GPN1: variants seen among roughly 807,000 people sequenced by gnomAD.
The protein encoded by GPN1 is ATP(GTP)-binding protein.
In GPN1, 44 loss-of-function variants were observed where a neutral mutation model predicts 55.9. The ratio of observed to expected loss-of-function variants is 0.79; its 90% CI spans 0.62 to 1.01. The LOEUF is 1.01. Ranked by LOEUF, GPN1 falls within the 50% of genes least tolerant of loss-of-function variation. GPN1 has a pLI of 0.00. For synonymous variants in GPN1, 179 were observed against 162.5 expected, an observed-to-expected ratio of 1.10 and a Z score of -0.77; for missense variants, 466 against 462.8, an observed-to-expected ratio of 1.01 and a Z score of -0.06.
intron 7 of GPN1, among the ~76,000 whole-genome samples, chr2:27,637,119 A>G (rs1004974098): frequency 2.0e-5 from 3 of 152,098 alleles, no homozygotes; most frequent in African/African-American, 7.2e-5. Flanking sequence ...ACTCCCCCCA[A>G]ACTTAATTAC....
At chr2:27,629,824 T>A in intron 1 of GPN1, 35 bp from the exon 2 acceptor site, 1 of 1,135,950 alleles carries the variant, frequency 8.8e-7, no homozygotes, top group Non-Finnish European at 1.3e-6. Context: ...GTCCCCTCTT[T>A]GTCTCCTTCC....
intron 10 of GPN1, among the ~76,000 whole-genome samples, chr2:27,640,548 GGTT>G (rs986663110): frequency 1.2e-4 from 19 of 152,332 alleles, no homozygotes; most frequent in Admixed American, 2.0e-4. Context: ...TTGGCACTAA[GGTT>G]GTTGTGAAGA....
chr2:27,639,395 G>A (rs1215379582), intron 9 of GPN1, among the ~76,000 whole-genome samples: 1 of 152,194 alleles, frequency 6.6e-6, no homozygotes, highest in African/African-American at 2.4e-5. Context: ...ATTTATGTAA[G>A]CAAAGGCAGA....
intron 13 of GPN1, among the ~76,000 whole-genome samples, chr2:27,648,348 A>G (rs1434933804): frequency 1.3e-5 from 2 of 151,850 alleles, no homozygotes; most frequent in African/African-American, 4.8e-5. Flanking sequence ...AGTTAGTCCC[A>G]CTCTCTACAA....
chr2:27,636,880 G>C (rs527492764), intron 7 of GPN1, among the ~76,000 whole-genome samples: 1 of 151,970 alleles, frequency 6.6e-6, no homozygotes, highest in Non-Finnish European at 1.5e-5. Flanking sequence ...GTGGGGTCTC[G>C]CCATGCTGCC....
chr2:27,647,532 C>A (rs185920315), intron 12 of GPN1, among the ~76,000 whole-genome samples: 36 of 152,284 alleles, frequency 2.4e-4, no homozygotes, highest in African/African-American at 8.4e-4. Flanking sequence ...AAAACCATCA[C>A]CCCTTCCAAG....
intron 11 of GPN1, among the ~76,000 whole-genome samples, chr2:27,641,825 C>T (rs1250884997): frequency 6.6e-6 from 1 of 152,118 alleles, no homozygotes; most frequent in East Asian, 1.9e-4. Flanking sequence ...TCTCAAATTC[C>T]TGAGCTCCTG....
At chr2:27,630,875 C>T (rs1346859405) in intron 2 of GPN1, 152 bp from the exon 3 acceptor site, 3 of 666,698 alleles carry the variant, frequency 4.5e-6, no homozygotes, top group Admixed American at 2.6e-5. Flanking sequence ...ATTTACTTGG[C>T]ATTTATTCTT....
At chr2:27,642,950 T>TACACACACACACACAC (rs1375069534) in intron 12 of GPN1, among the ~76,000 whole-genome samples, 3 of 37,586 alleles carry the variant, frequency 8.0e-5, no homozygotes, top group African/African-American at 1.6e-4. Context: ...GTTTTATATA[T>TACACACACACACACAC]ATATATATAC....
intron 13 of GPN1, among the ~76,000 whole-genome samples, chr2:27,649,781 T>C (rs1288945582): frequency 1.3e-5 from 2 of 152,224 alleles, no homozygotes; most frequent in South Asian, 2.1e-4. Context: ...TGGACTGATA[T>C]TTGGGTAGAT....
chr2:27,641,547 T>C (rs1673950676), intron 11 of GPN1, among the ~76,000 whole-genome samples: 1 of 152,180 alleles, frequency 6.6e-6, no homozygotes, highest in Non-Finnish European at 1.5e-5. Flanking sequence ...GAGGTCAATT[T>C]AAAGCTAGTT....
intron 12 of GPN1, among the ~76,000 whole-genome samples, chr2:27,646,995 T>C (rs1674265020): frequency 1.3e-5 from 2 of 152,250 alleles, no homozygotes; most frequent in Admixed American, 6.5e-5. Flanking sequence ...TCAGCTAACC[T>C]GTTGAAGGTT....
At position 27,634,794 on chromosome 2, in the gene GPN1, C is replaced by G. The variant is rs181792651; in HGVS notation, c.351-52C>G. The G allele has an allele frequency of 6.4e-3, 6,351 of 988,234 alleles. 41 individuals are homozygous for G. The highest frequency in any genetic ancestry group is 9.1e-3 in the Non-Finnish European group (5,529 of 608,192). 61.2% of individuals were successfully genotyped at this position (988,234 alleles called of 1,614,324 possible). A position where few individuals can be genotyped will look rare whatever the true frequency, so the allele number is the denominator to read the frequency against. On this transcript the variant is annotated intron_variant, in intron 5 of 13. Transcript: ENST00000610189. ...TTTATTGTCTTATATGATGGAATAT[C>G]CTTCAGCATAACACAAATGTAACAC... is the stretch of plus-strand genomic sequence containing the variant.
At chr2:27,640,235 T>G (rs753577063) in intron 10 of GPN1, 110 bp downstream of exon 10, 1 of 795,742 alleles carries the variant, frequency 1.3e-6, no homozygotes, top group Non-Finnish European at 2.2e-6. Context: ...ATGTATTATA[T>G]TTGGTTTGCA....
rs777631965 is a variant in GPN1 at position 27,638,974 on chromosome 2, C to T, written c.660C>T (p.Val220=). ...QDALNQETTY[V]SNLTRSMSLV... Reference sequence around the variant, plus strand: ...CCTTGAATCAAGAGACTACATACGTCAGTAACCTGACTCGTTCAATGAGCC... The same window carrying T: ...CCTTGAATCAAGAGACTACATACGTTAGTAACCTGACTCGTTCAATGAGCC... The change falls in exon 9 of 14, where the codon GTC becomes GTT. Residue 220 remains valine (V), a synonymous_variant. Transcript: ENST00000610189. 2 of 1,613,384 alleles carry T rather than the reference C, an allele frequency of 1.2e-6. No individual in the cohort carries two copies. Among genetic ancestry groups the T allele is most frequent in the South Asian group, 2.2e-5 (2 of 91,028 alleles).
At chr2:27,642,715 C>T (rs957897916) in intron 12 of GPN1, among the ~76,000 whole-genome samples, 196 bp downstream of exon 12, 2 of 152,074 alleles carry the variant, frequency 1.3e-5, no homozygotes, top group African/African-American at 4.8e-5. Context: ...CAGGCATGTG[C>T]CACCACACCC....
chr2:27,634,141 CT>C (rs1322403708), intron 5 of GPN1, among the ~76,000 whole-genome samples: 4 of 151,930 alleles, frequency 2.6e-5, no homozygotes, highest in African/African-American at 4.8e-5. Context: ...CTTTTATTTT[CT>C]TAATAACTAA....
chr2:27,632,594 A>G lies in GPN1; in HGVS notation c.313-39A>G. The G allele has an allele frequency of 2.7e-6, 4 of 1,482,562 alleles. 1 individual carries two copies. The South Asian group carries it at 4.5e-5, about 17-fold the overall frequency. 91.8% of individuals were successfully genotyped at this position (1,482,562 alleles called of 1,614,324 possible). A position where few individuals can be genotyped will look rare whatever the true frequency, so the allele number is the denominator to read the frequency against. The stretch of plus-strand genomic sequence containing the variant: ...GAGAGGGCTCTGTGATTTTGTGTTG[A>G]AATCGGAATTTGTTGTCATTGACAT... On this transcript the variant is annotated intron_variant, in intron 4 of 13. Transcript: ENST00000610189.
chr2:27,629,322 GC>G (rs1356906226), intron 1 of GPN1, 153 bp downstream of exon 1: 22 of 1,493,146 alleles, frequency 1.5e-5, no homozygotes, highest in African/African-American at 2.8e-5. Flanking sequence ...CCCCGGCAAA[GC>G]CTCCTCGGGC....
Sources: gnomAD v4.1 joint callset for allele counts (sites outside exome capture counted in the v4.1 genomes callset) on GRCh38, gnomAD v4.1.1 for gene constraint, MANE v1.5 for transcripts, NCBI Gene and HGNC (gene_info 2026-07-23, HGNC 2026-07-21) for gene names.